Variants in SBNO1 observed in about 807,000 individuals in gnomAD.
SBNO1 encodes the protein strawberry notch homolog 1.
Under a neutral mutation model 173.6 loss-of-function variants are expected in SBNO1, and 23 were observed. The observed-to-expected ratio is 0.13, with a 90% CI of 0.10 to 0.19. The LOEUF is 0.19. Ranked by LOEUF, SBNO1 falls within the 10% of genes least tolerant of loss-of-function variation. The pLI is 1.00. For missense variants in SBNO1, 1,238 were observed against 1,671.2 expected (o/e 0.74, Z 4.52); for synonymous variants, 632 against 571.5 (o/e 1.11, Z -1.51).
chr12:123,348,594 G>A (rs1873499616), intron 2 of SBNO1, among the ~76,000 whole-genome samples: 1 of 152,090 alleles, frequency 6.6e-6, no homozygotes, highest in East Asian at 1.9e-4. Flanking sequence ...GTGAAACCCT[G>A]TCTCTACTAA....
intron 24 of SBNO1, among the ~76,000 whole-genome samples, chr12:123,311,724 A>ATCTATCTATCTATC (rs1354447042): frequency 1.3e-3 from 82 of 62,956 alleles, no homozygotes; most frequent in East Asian, 5.7e-3. Context: ...ATCTATCTAT[A>ATCTATCTATCTATC]TATATATATA....
chr12:123,325,302 T>A (rs374097937), intron 15 of SBNO1, among the ~76,000 whole-genome samples, 200 bp downstream of exon 15: 7 of 152,298 alleles, frequency 4.6e-5, no homozygotes, highest in Admixed American at 2.0e-4. Flanking sequence ...GCAAAATGCT[T>A]AACATTTTAG....
intron 5 of SBNO1, among the ~76,000 whole-genome samples, chr12:123,340,581 C>CAAAAAA (rs752794679): frequency 2.4e-4 from 11 of 46,800 alleles, no homozygotes; most frequent in South Asian, 9.8e-4. Context: ...GACTCTGTCT[C>CAAAAAA]AAAAAAAAAA....
intron 5 of SBNO1, among the ~76,000 whole-genome samples, chr12:123,337,697 G>A (rs972015526): frequency 1.3e-5 from 2 of 152,142 alleles, no homozygotes; most frequent in South Asian, 2.1e-4. Flanking sequence ...CTGGCCAAAT[G>A]AATAGATTTG....
chr12:123,305,665 G>T (rs1308292216), intron 28 of SBNO1, among the ~76,000 whole-genome samples: 2 of 152,034 alleles, frequency 1.3e-5, no homozygotes, highest in East Asian at 3.9e-4. Context: ...TAGAGATGGG[G>T]TTTCTCCATG....
At chr12:123,298,203 T>C (rs2048668441) in intron 30 of SBNO1, 32 bp from the exon 31 acceptor site, 1 of 1,564,476 alleles carries the variant, frequency 6.4e-7, no homozygotes, top group East Asian at 2.2e-5. Context: ...TACATATGAG[T>C]GTCTATATAT....
intron 4 of SBNO1, 50 bp downstream of exon 4, chr12:123,345,208 G>A: frequency 1.4e-6 from 2 of 1,476,560 alleles, no homozygotes; most frequent in Non-Finnish European, 1.9e-6. Context: ...AAAACATGCT[G>A]ACATAGCTTA....
At chr12:123,307,093 G>A (rs1391067182) in intron 28 of SBNO1, among the ~76,000 whole-genome samples, 1 of 151,228 alleles carries the variant, frequency 6.6e-6, no homozygotes, top group African/African-American at 2.4e-5. Flanking sequence ...AGAGGCTGAG[G>A]TGGGAGGATT....
Position 123,309,624 on chromosome 12 carries a change from T to A in SBNO1, c.3443-41A>T, listed in dbSNP as rs1445014580. On this transcript the variant is annotated intron_variant, in intron 26 of 31. Transcript: ENST00000602398. ...GAAACATGTAAATGTAAAAAGAACA[T>A]TTTTATCAGGTACACACGTTTAAAG... is the stretch of plus-strand genomic sequence containing the variant. The A allele has an allele frequency of 1.9e-6, 3 of 1,602,884 alleles. No individual in the cohort carries two copies. In the Admixed American group the frequency reaches 5.0e-5, roughly 27 times the overall value.
chr12:123,314,963 G>T (rs943134218), intron 23 of SBNO1, among the ~76,000 whole-genome samples: 1 of 149,988 alleles, frequency 6.7e-6, no homozygotes, highest in Non-Finnish European at 1.5e-5. Context: ...GGCTGGTCTC[G>T]AACTCCTGAC....
intron 16 of SBNO1, among the ~76,000 whole-genome samples, chr12:123,322,582 C>T (rs1870111376): frequency 6.6e-6 from 1 of 151,450 alleles, no homozygotes; most frequent in African/African-American, 2.4e-5. Flanking sequence ...CAGGCGTGAG[C>T]CACTGTGCCC....
intron 7 of SBNO1, 39 bp from the exon 8 acceptor site, chr12:123,331,414 GA>G (rs771372474): frequency 1.3e-6 from 2 of 1,599,312 alleles, no homozygotes; most frequent in Non-Finnish European, 1.7e-6. Flanking sequence ...TAATCCTTCA[GA>G]TATTTTGGTG....
chr12:123,309,431 C>G, intron 27 of SBNO1, 29 bp from the exon 28 acceptor site: 1 of 1,605,660 alleles, frequency 6.2e-7, no homozygotes, highest in Non-Finnish European at 8.5e-7. Context: ...AATTTAAACT[C>G]ATTTCTGTAA....
intron 20 of SBNO1, among the ~76,000 whole-genome samples, chr12:123,318,601 C>T (rs186061757): frequency 5.4e-4 from 81 of 151,302 alleles, no homozygotes; most frequent in African/African-American, 1.8e-3. Context: ...GGCGTGGTGG[C>T]GCGTGCCTGT....
rs972397569 is a variant in SBNO1 at position 123,292,997 on chromosome 12, C to A, written c.*2911G>T. The A allele has an allele frequency of 6.6e-6, 1 of 152,224 alleles. No homozygotes were observed. The highest frequency in any genetic ancestry group is 1.5e-5 in the Non-Finnish European group (1 of 68,046). The allele number at this position is 152,224 out of a possible 1,614,324, so 9.4% of individuals were successfully genotyped here. A position where few individuals can be genotyped will look rare whatever the true frequency, so the allele number is the denominator to read the frequency against. ...ACACTAATTCCCCCAGAGATAACAT[C>A]TGAGCTGCTTTAGACTCTGGAAGTG... is the stretch of plus-strand genomic sequence containing the variant. On this transcript the variant is annotated 3_prime_UTR_variant, in exon 32 of 32. Coordinates refer to ENST00000602398, the MANE Select transcript of SBNO1 (RefSeq NM_001167856.3).
chr12:123,347,527 CTTTTT>C (rs1385653597), intron 3 of SBNO1, among the ~76,000 whole-genome samples: 6 of 143,746 alleles, frequency 4.2e-5, no homozygotes, highest in Non-Finnish European at 6.1e-5. Flanking sequence ...TGCCTGGCCT[CTTTTT>C]TTATGTTTTT....
chr12:123,298,108 T>C lies in SBNO1; in HGVS notation c.3909A>G (p.Thr1303=), dbSNP rs373403928. Reference sequence around the variant, plus strand: ...GCACTGAACCACATAATACATAATATGTACGGCAACGAAGACCTATTTCAC... The same window carrying C: ...GCACTGAACCACATAATACATAATACGTACGGCAACGAAGACCTATTTCAC... ...LVCEIGLRCR[T]YYVLCGSVLS... is the part of the protein sequence containing the mutation. The change falls in exon 31 of 32, where the codon ACA becomes ACG. Residue 1303 remains threonine, a synonymous_variant. Coordinates refer to ENST00000602398, the MANE Select transcript of SBNO1 (RefSeq NM_001167856.3). 8 of 1,611,554 alleles carry C rather than the reference T, an allele frequency of 5.0e-6. No individual in the cohort carries two copies. The highest frequency in any genetic ancestry group is 4.0e-5 in the African/African-American group (3 of 74,770).
chr12:123,309,691 G>A lies in SBNO1; in HGVS notation c.3442+19C>T. The A allele has an allele frequency of 1.9e-6, 3 of 1,609,800 alleles. No individual in the cohort carries two copies. Among genetic ancestry groups the A allele is most frequent in the Non-Finnish European group, 2.5e-6 (3 of 1,177,892 alleles). On this transcript the variant is annotated intron_variant, in intron 26 of 31. Transcript: ENST00000602398. ...ATTTTCCCTGGGGACATTGTGGGGGGGAAATTTTCCCTACTTACCTAAGAT... is the reference window on the plus strand; with the variant it reads ...ATTTTCCCTGGGGACATTGTGGGGGAGAAATTTTCCCTACTTACCTAAGAT...
intron 31 of SBNO1, among the ~76,000 whole-genome samples, chr12:123,296,387 G>C (rs1321662789): frequency 8.2e-6 from 1 of 121,478 alleles, no homozygotes; most frequent in African/African-American, 3.0e-5. Flanking sequence ...AAAGACTACA[G>C]AACAGAAGTT....
Sources: gnomAD v4.1 joint callset for allele counts (sites outside exome capture counted in the v4.1 genomes callset) on GRCh38, gnomAD v4.1.1 for gene constraint, MANE v1.5 for transcripts, NCBI Gene and HGNC (gene_info 2026-07-23, HGNC 2026-07-21) for gene names.